The following CDKN2A variants were observed in gnomAD, a reference collection of about 807,000 sequenced individuals.
The protein encoded by CDKN2A is cyclin dependent kinase inhibitor 2A.
A neutral mutation model predicts 11.1 loss-of-function variants in CDKN2A; 3 were observed. The ratio of observed to expected loss-of-function variants is 0.27; its 90% confidence interval spans 0.12 to 0.70. The LOEUF is 0.70. CDKN2A is among the 30% of genes least tolerant of loss of function. The pLI is 0.77. For missense variants in CDKN2A, 265 were observed against 233.6 expected (o/e 1.13, Z -0.88); for synonymous variants, 122 against 108.1 (o/e 1.13, Z -0.80).
intron 2 of CDKN2A, chr9:21,969,730 T>C (rs1819604841): frequency 2.6e-6 from 1 of 390,826 alleles, no homozygotes. Flanking sequence ...GGGACCCGGA[T>C]GCTAGCTGTA....
Position 21,968,367 on chromosome 9 carries a change from G to A in CDKN2A, c.458-125C>T. 6.7e-7 allele frequency: 1 copy of A among 1,495,452 alleles called. No homozygotes were observed. Among genetic ancestry groups the A allele is most frequent in the African/African-American group, 1.4e-5 (1 of 72,388 alleles). The allele number at this position is 1,495,452 out of a possible 1,614,324, so 92.6% of individuals were successfully genotyped here. The stretch of plus-strand genomic sequence containing the variant: ...ACTTATGGATAAAGTTCTCGCAATG[G>A]CTTCACGTGCATGTACCCGCCGCCA... On this transcript the variant is annotated intron_variant, in intron 2 of 2. Coordinates refer to ENST00000304494, the MANE Select transcript of CDKN2A (RefSeq NM_000077.5). This position sits in a 1 kb window ranked among gnomAD's most constrained non-coding sequence, Gnocchi z 4.7.
At chr9:21,978,468 T>G (rs963212257), upstream of CDKN2A, among the ~76,000 whole-genome samples, 1 of 152,094 alleles carries the variant, frequency 6.6e-6, no homozygotes, top group African/African-American at 2.4e-5. Flanking sequence ...ATGTGCAAAA[T>G]GGGATTATAA....
chr9:21,975,579 C>T (rs1357714011), upstream of CDKN2A, among the ~76,000 whole-genome samples: 1 of 152,166 alleles, frequency 6.6e-6, no homozygotes, highest in Non-Finnish European at 1.5e-5. Flanking sequence ...CTCCCCTTCC[C>T]CTCCTGCGTG....
intron 1 of CDKN2A, chr9:21,994,420 T>A (rs1820543239): frequency 6.2e-7 from 1 of 1,602,260 alleles, no homozygotes; most frequent in African/African-American, 1.3e-5. Flanking sequence ...CCCCCTTAAC[T>A]GCAGACTGGG....
Position 21,971,005 on chromosome 9 carries a change from A to T in CDKN2A, c.354T>A (p.Ala118=), listed in dbSNP as rs2131093154. The change falls in exon 2 of 3, where the codon GCT becomes GCA. Residue 118 remains alanine, a synonymous_variant. Transcript: ENST00000304494. ...DAWGRLPVDL[A]EELGHRDVAR... is the part of the protein sequence containing the mutation. ...CGACATCGCGATGGCCCAGCTCCTC[A>T]GCCAGGTCCACGGGCAGACGGCCCC... is the stretch of plus-strand genomic sequence containing the variant. 1.2e-6 allele frequency: 2 copies of T among 1,609,028 alleles called. No homozygotes were observed. The highest frequency in any genetic ancestry group is 1.7e-6 in the Non-Finnish European group (2 of 1,179,856).
In CDKN2A at chr9:21,974,143, G is replaced by T. The variant is rs1819908655; in HGVS notation, c.150+535C>A. Among the ~76,000 whole-genome samples, 1 of 152,156 alleles carries T rather than the reference G, an allele frequency of 6.6e-6. No homozygotes were observed. Among genetic ancestry groups the T allele is most frequent in the South Asian group, 2.1e-4 (1 of 4,830 alleles). On this transcript the variant is annotated intron_variant, in intron 1 of 2. Coordinates refer to ENST00000304494, the MANE Select transcript of CDKN2A (RefSeq NM_000077.5). The surrounding 1 kb of genome is among the most constrained non-coding windows in gnomAD (Gnocchi z 5.2). ...GACCTCAGGTGATTCCCCCCGCCTT[G>T]ATCTCCCAAAGTGAAGGGATTACAA...
upstream of CDKN2A, among the ~76,000 whole-genome samples, chr9:21,979,069 G>A (rs1820111432): frequency 6.6e-6 from 1 of 152,214 alleles, no homozygotes; most frequent in African/African-American, 2.4e-5. Flanking sequence ...AGTAGGCAAA[G>A]GCTTCCGGAT....
chr9:21,980,151 C>T (rs568965750), intron 2 of CDKN2A, among the ~76,000 whole-genome samples: 7 of 152,204 alleles, frequency 4.6e-5, no homozygotes, highest in East Asian at 3.9e-4. Context: ...TTTTTGACTG[C>T]AAAATCTTTT....
upstream of CDKN2A, among the ~76,000 whole-genome samples, chr9:21,979,474 G>A (rs900386195): frequency 6.6e-6 from 1 of 152,152 alleles, no homozygotes; most frequent in African/African-American, 2.4e-5. Flanking sequence ...AAGTACACAG[G>A]CAAGATAGGA....
At chr9:21,977,936 A>T (rs1018866191), upstream of CDKN2A, among the ~76,000 whole-genome samples, 1 of 152,160 alleles carries the variant, frequency 6.6e-6, no homozygotes, top group Non-Finnish European at 1.5e-5. Flanking sequence ...ATGCAACCAT[A>T]TAAAAACAAC....
intron 2 of CDKN2A, chr9:21,969,589 G>A (rs1018416563): frequency 5.1e-6 from 2 of 395,746 alleles, no homozygotes; most frequent in South Asian, 1.4e-4. Context: ...TATTAGGTTT[G>A]GTTAAGAGTC....
In CDKN2A at chr9:21,991,951, AAATG is replaced by A; in HGVS notation, c.-4+1927_-4+1930del. 1.1e-5 allele frequency: 11 copies of A among 983,082 alleles called. No individual in the cohort carries two copies. Among genetic ancestry groups the A allele is most frequent in the Non-Finnish European group, 1.3e-5 (11 of 827,726 alleles). 60.9% of individuals were successfully genotyped at this position (983,082 alleles called of 1,614,324 possible). A position where few individuals can be genotyped will look rare whatever the true frequency, so the allele number is the denominator to read the frequency against. On this transcript the variant is annotated intron_variant, in intron 2 of 3. Transcript: ENST00000494262. The surrounding 1 kb of genome is among the most constrained non-coding windows in gnomAD (Gnocchi z 5.2). ...TGAGCCTTCTGAAGTAGCTATAAAC[AAATG>A]AATATTTAACTTCATAATAAAAATA...
Position 21,968,089 on chromosome 9 carries a change from G to T in CDKN2A, c.*140C>A, listed in dbSNP as rs1819495789. 3.9e-6 allele frequency: 3 copies of T among 777,534 alleles called. No individual in the cohort carries two copies. The highest frequency in any genetic ancestry group is 7.0e-6 in the Non-Finnish European group (3 of 427,918). 48.2% of individuals were successfully genotyped at this position (777,534 alleles called of 1,614,324 possible). On this transcript the variant is annotated 3_prime_UTR_variant, in exon 3 of 3. Coordinates refer to ENST00000304494, the MANE Select transcript of CDKN2A (RefSeq NM_000077.5). The surrounding 1 kb of genome is among the most constrained non-coding windows in gnomAD (Gnocchi z 4.7). ...GGCATATATCTACGTTAAAAGGCAG[G>T]ACATTTTTAAAAGCTCTATTTTCTA...
intron 1 of CDKN2A, 163 bp from the exon 2 acceptor site, chr9:21,971,371 C>T: frequency 4.0e-6 from 6 of 1,484,614 alleles, no homozygotes; most frequent in Middle Eastern, 2.4e-4. Flanking sequence ...CTTGAGTTCT[C>T]TATCCATTCT....
chr9:21,968,185 A>C lies in CDKN2A; in HGVS notation c.*44T>G, dbSNP rs748322307. The stretch of plus-strand genomic sequence containing the variant: ...GGCCCTGTAGGACCTTCGGTGACTG[A>C]TGATCTAAGTTTCCCGAGGTTTCTC... On this transcript the variant is annotated 3_prime_UTR_variant, in exon 3 of 3. Coordinates refer to ENST00000304494, the MANE Select transcript of CDKN2A (RefSeq NM_000077.5). The surrounding 1 kb of genome is among the most constrained non-coding windows in gnomAD (Gnocchi z 4.7). The C allele has an allele frequency of 1.3e-6, 2 of 1,592,584 alleles. No homozygotes were observed. The highest frequency in any genetic ancestry group is 3.3e-5 in the Admixed American group (2 of 59,954).
At chr9:21,983,888 A>G (rs536484055) in intron 2 of CDKN2A, among the ~76,000 whole-genome samples, 39 of 152,126 alleles carry the variant, frequency 2.6e-4, no homozygotes, top group African/African-American at 9.4e-4. Flanking sequence ...CCTCTCATTT[A>G]CCAGCTCTGT....
intron 1 of CDKN2A, among the ~76,000 whole-genome samples, chr9:21,971,948 AC>A (rs1422537517): frequency 5.9e-5 from 9 of 152,246 alleles, no homozygotes; most frequent in South Asian, 2.1e-4. Context: ...CTCAAAAAAA[AC>A]AATCAAACTT....
Position 21,994,232 on chromosome 9 carries a change from A to C in CDKN2A, c.-175-179T>G, listed in dbSNP as rs765285880. 1.6e-5 allele frequency: 25 copies of C among 1,604,910 alleles called. No homozygotes were observed. The highest frequency in any genetic ancestry group is 2.1e-5 in the Non-Finnish European group (25 of 1,179,126). Reference sequence around the variant, plus strand: ...GCGGCGGGCGCCCCTGGCGCTGCCCACTCCCCCGTGAGCCGCGGGATGTGA... The same window carrying C: ...GCGGCGGGCGCCCCTGGCGCTGCCCCCTCCCCCGTGAGCCGCGGGATGTGA... On this transcript the variant is annotated intron_variant, in intron 1 of 3. Transcript: ENST00000494262.
At chr9:21,979,571 T>C (rs1448425719), upstream of CDKN2A, among the ~76,000 whole-genome samples, 1 of 152,126 alleles carries the variant, frequency 6.6e-6, no homozygotes, top group Non-Finnish European at 1.5e-5. Context: ...TCACAAGAGA[T>C]ACATAGATTT....
Sources: allele counts gnomAD v4.1 joint callset (sites outside exome capture counted in the v4.1 genomes callset), GRCh38; gene constraint gnomAD v4.1.1; non-coding constraint Gnocchi (gnomAD v3.1); transcripts MANE v1.5; gene names NCBI Gene and HGNC (gene_info 2026-07-23, HGNC 2026-07-21).